GPHN: variants seen among roughly 807,000 people sequenced by gnomAD.
GPHN encodes the protein gephyrin.
A neutral mutation model predicts 95.5 loss-of-function variants in GPHN; 17 were observed. The observed-to-expected ratio is 0.18, with a 90% CI of 0.12 to 0.27. The LOEUF is 0.27. GPHN is among the 10% of genes least tolerant of loss of function. GPHN has a pLI of 1.00. For missense variants in GPHN, 660 were observed against 978.1 expected (o/e 0.67, Z 4.34); for synonymous variants, 320 against 322.5 (o/e 0.99, Z 0.08).
chr14:66,623,774 G>A lies in GPHN; in HGVS notation c.65-57333G>A, dbSNP rs553746015. 3.4e-4 allele frequency among the ~76,000 whole-genome samples: 52 copies of A among 152,138 alleles called. 1 individual carries two copies. The highest frequency in any genetic ancestry group is 1.3e-3 in the African/African-American group (52 of 41,492). Reference sequence around the variant, plus strand: ...CTGGAGAAATTTTAAAGAAGAGGAGGGACCTGAACTTTCATGGCTTTATTG... The same window carrying A: ...CTGGAGAAATTTTAAAGAAGAGGAGAGACCTGAACTTTCATGGCTTTATTG... On this transcript the variant is annotated intron_variant, in intron 1 of 22. Transcript: ENST00000478722.
intron 4 of GPHN, among the ~76,000 whole-genome samples, chr14:66,825,728 G>A (rs768727993): frequency 6.6e-6 from 1 of 151,986 alleles, no homozygotes; most frequent in Non-Finnish European, 1.5e-5. Flanking sequence ...TTATAATTAG[G>A]GTTTTAAATA....
chr14:66,932,893 C>A (rs887942313), intron 8 of GPHN, among the ~76,000 whole-genome samples: 3 of 152,088 alleles, frequency 2.0e-5, no homozygotes, highest in African/African-American at 7.2e-5. Context: ...AAGGATTGTA[C>A]ACAACTAATA....
chr14:67,167,457 T>G (rs951429646), intron 20 of GPHN, among the ~76,000 whole-genome samples: 1 of 152,196 alleles, frequency 6.6e-6, no homozygotes, highest in African/African-American at 2.4e-5. Context: ...TTTTTAAGAG[T>G]CTGCTATTCT....
the GPHN span, among the ~76,000 whole-genome samples, chr14:67,244,282 C>T: frequency 1.3e-5 from 2 of 152,162 alleles, no homozygotes; most frequent in Non-Finnish European, 2.9e-5. Context: ...AGTGGAATTG[C>T]TGATAATAGG....
At chr14:67,560,727 C>CTT in the GPHN span, among the ~76,000 whole-genome samples, 1,969 of 126,372 alleles carry the variant, frequency 0.016, 53 homozygotes, top group African/African-American at 0.037. Flanking sequence ...GAACATATAT[C>CTT]TTTTTTTTTT....
At chr14:67,672,069 T>C in the GPHN span, among the ~76,000 whole-genome samples, 14 of 152,282 alleles carry the variant, frequency 9.2e-5, 1 homozygote, top group East Asian at 1.5e-3. Context: ...TTTAGACTTA[T>C]AGAAATGGGC....
At chr14:67,133,112 A>T (rs1222864959) in intron 17 of GPHN, among the ~76,000 whole-genome samples, 1 of 152,140 alleles carries the variant, frequency 6.6e-6, no homozygotes, top group Non-Finnish European at 1.5e-5. Context: ...TTGATTCCAT[A>T]CGTGAAGTAG....
At chr14:67,057,410 GT>G (rs769226116) in intron 10 of GPHN, among the ~76,000 whole-genome samples, 6,546 of 148,356 alleles carry the variant, frequency 0.044, 240 homozygotes, top group Middle Eastern at 0.078. Flanking sequence ...GGGCACATGG[GT>G]GGGGGGGGCA....
At chr14:67,075,923 A>G (rs1256065265) in intron 11 of GPHN, among the ~76,000 whole-genome samples, 5 of 152,218 alleles carry the variant, frequency 3.3e-5, no homozygotes, top group African/African-American at 1.2e-4. Context: ...ACAACCAAGG[A>G]TTTAGAATAT....
chr14:66,685,032 G>A (rs1012096532), intron 2 of GPHN, among the ~76,000 whole-genome samples: 1 of 152,186 alleles, frequency 6.6e-6, no homozygotes, highest in Non-Finnish European at 1.5e-5. Flanking sequence ...GGTTTGCTGA[G>A]AATGATGGTT....
chr14:67,665,430 C>G, the GPHN span, among the ~76,000 whole-genome samples: 1 of 151,854 alleles, frequency 6.6e-6, no homozygotes, highest in Non-Finnish European at 1.5e-5. Context: ...GGTTACCACA[C>G]ACAGCTAATT....
intron 10 of GPHN, among the ~76,000 whole-genome samples, chr14:67,024,980 C>T (rs968947979): frequency 3.9e-5 from 6 of 152,136 alleles, no homozygotes; most frequent in Middle Eastern, 3.4e-3. Flanking sequence ...ATTGGCAAGG[C>T]GCAGTGGCTC....
At chr14:67,026,328 C>T (rs1462823209) in intron 10 of GPHN, among the ~76,000 whole-genome samples, 2 of 151,998 alleles carry the variant, frequency 1.3e-5, no homozygotes, top group Admixed American at 6.5e-5. Flanking sequence ...TAAATGTTAG[C>T]TGATATTATT....
chr14:67,124,624 G>A (rs920285973), intron 17 of GPHN, among the ~76,000 whole-genome samples: 1 of 152,092 alleles, frequency 6.6e-6, no homozygotes, highest in Non-Finnish European at 1.5e-5. Context: ...AAGGCAAGCA[G>A]GCTTGAAACT....
chr14:67,306,117 A>C, the GPHN span, among the ~76,000 whole-genome samples: 20 of 152,096 alleles, frequency 1.3e-4, no homozygotes, highest in African/African-American at 2.9e-4. Flanking sequence ...CTACAAGTGC[A>C]TGCCACCACA....
the GPHN span, chr14:67,303,503 CCTG>C: frequency 6.3e-7 from 1 of 1,585,256 alleles, no homozygotes; most frequent in Non-Finnish European, 8.7e-7. Context: ...TAAAAAATAA[CCTG>C]ATCTTTCTAT....
At chr14:67,724,536 C>CA in the GPHN span, 2 of 1,613,670 alleles carry the variant, frequency 1.2e-6, no homozygotes, top group Non-Finnish European at 1.7e-6. Flanking sequence ...TAGTGGTGAT[C>CA]ACTGGCGCCA....
chr14:67,473,324 A>C, the GPHN span: 8 of 1,511,584 alleles, frequency 5.3e-6, no homozygotes, highest in Non-Finnish European at 7.2e-6. This position sits in a 1 kb window ranked among gnomAD's most constrained non-coding sequence, Gnocchi z 6.5. Flanking sequence ...TGGCCGGAGC[A>C]GGGCTTTTGC....
chr14:66,639,019 T>C (rs1269686556), intron 1 of GPHN, among the ~76,000 whole-genome samples: 1 of 152,018 alleles, frequency 6.6e-6, no homozygotes, highest in Non-Finnish European at 1.5e-5. Flanking sequence ...ACCTGGACCA[T>C]CTCATTTTGC....
Sources: allele counts gnomAD v4.1 joint callset (sites outside exome capture counted in the v4.1 genomes callset), GRCh38; gene constraint gnomAD v4.1.1; non-coding constraint Gnocchi (gnomAD v3.1); transcripts MANE v1.5; gene names NCBI Gene and HGNC (gene_info 2026-07-23, HGNC 2026-07-21).